PRKAR1B: variants seen among roughly 807,000 people sequenced by gnomAD.
PRKAR1B encodes the protein protein kinase cAMP-dependent type I regulatory subunit beta.
PRKAR1B carries 22 observed loss-of-function variants against 46.5 expected under a neutral mutation model. The observed-to-expected ratio is 0.47, with a 90% CI of 0.34 to 0.68. The LOEUF (loss-of-function observed/expected upper bound fraction) is 0.68, where lower values mean the gene tolerates loss of function less well. Among genes scored for constraint, PRKAR1B ranks in the 30% least tolerant of loss-of-function variants. PRKAR1B has a pLI of 0.01. For synonymous variants in PRKAR1B, 259 were observed against 217.7 expected (o/e 1.19, Z -1.67); for missense variants, 445 against 535.6 (o/e 0.83, Z 1.67).
chr7:653,097 G>C (rs1184535407), intron 4 of PRKAR1B, among the ~76,000 whole-genome samples: 2 of 152,156 alleles, frequency 1.3e-5, no homozygotes, highest in Non-Finnish European at 2.9e-5. Flanking sequence ...GTGGACAAGT[G>C]CTTCTCCAGC....
chr7:639,538 C>T (rs918065190), intron 4 of PRKAR1B, among the ~76,000 whole-genome samples: 20 of 152,106 alleles, frequency 1.3e-4, no homozygotes, highest in African/African-American at 4.6e-4. Context: ...TAGATGTAAC[C>T]GCAAAAGCAT....
intron 4 of PRKAR1B, among the ~76,000 whole-genome samples, chr7:631,132 G>C (rs1158871401): frequency 1.3e-5 from 2 of 152,022 alleles, no homozygotes; most frequent in Non-Finnish European, 2.9e-5. Context: ...TGTATTTTTA[G>C]TAGAGACAAG....
intron 4 of PRKAR1B, among the ~76,000 whole-genome samples, chr7:625,968 AT>A (rs1313820358): frequency 1.4e-5 from 2 of 146,592 alleles, no homozygotes; most frequent in African/African-American, 5.1e-5. Flanking sequence ...AGATCGCGCC[AT>A]TGCACTCCAG....
At chr7:672,353 T>A (rs1233933043) in intron 4 of PRKAR1B, among the ~76,000 whole-genome samples, 4 of 151,722 alleles carry the variant, frequency 2.6e-5, no homozygotes, top group African/African-American at 7.3e-5. Flanking sequence ...GGATTCACCA[T>A]ATTGGCCAGG....
intron 4 of PRKAR1B, among the ~76,000 whole-genome samples, chr7:618,756 G>T (rs1039416306): frequency 6.6e-6 from 1 of 152,136 alleles, no homozygotes; most frequent in African/African-American, 2.4e-5. Flanking sequence ...TAGAAGGGTT[G>T]GTACCTTCTT....
At chr7:700,633 T>C (rs973015041) in intron 2 of PRKAR1B, among the ~76,000 whole-genome samples, 1 of 151,586 alleles carries the variant, frequency 6.6e-6, no homozygotes, top group Non-Finnish European at 1.5e-5. Flanking sequence ...CTCTTGGAAT[T>C]GGTGGGGGAA....
intron 2 of PRKAR1B, among the ~76,000 whole-genome samples, chr7:701,302 A>G (rs534155838): frequency 7.2e-6 from 1 of 139,084 alleles, no homozygotes; most frequent in Non-Finnish European, 1.5e-5. Context: ...AAGAAAGAAA[A>G]AGAAAGAAAG....
chr7:636,563 C>T (rs1010885679), intron 4 of PRKAR1B, among the ~76,000 whole-genome samples: 1 of 152,214 alleles, frequency 6.6e-6, no homozygotes, highest in Non-Finnish European at 1.5e-5. Flanking sequence ...CCCTCCTGCC[C>T]CACCCAGAAT....
At chr7:630,605 G>C (rs1409256169) in intron 4 of PRKAR1B, among the ~76,000 whole-genome samples, 15 of 152,192 alleles carry the variant, frequency 9.9e-5, no homozygotes, top group Admixed American at 9.8e-4. Context: ...CTTTCCAAAG[G>C]CCATACGGGT....
chr7:612,819 C>T (rs1429235215), intron 4 of PRKAR1B, among the ~76,000 whole-genome samples: 1 of 151,820 alleles, frequency 6.6e-6, no homozygotes, highest in African/African-American at 2.4e-5. Flanking sequence ...GAAGCACTGC[C>T]AGCAACAGAG....
intron 1 of PRKAR1B, among the ~76,000 whole-genome samples, chr7:717,017 G>C (rs565895803): frequency 1.3e-5 from 2 of 152,302 alleles, no homozygotes; most frequent in Admixed American, 1.3e-4. Context: ...CCAGCCGGGC[G>C]CAGTGCCTCC....
In PRKAR1B at chr7:673,045, T is replaced by TAAAAAAAAAAAAAAAAAAA. The variant is rs992683667; in HGVS notation, c.440+4165_440+4183dup. 7.5e-5 allele frequency among the ~76,000 whole-genome samples: 2 copies of TAAAAAAAAAAAAAAAAAAA among 26,550 alleles called. 1 individual carries two copies. Among genetic ancestry groups the TAAAAAAAAAAAAAAAAAAA allele is most frequent in the Non-Finnish European group, 1.2e-4 (2 of 16,128 alleles). 17.4% of individuals were successfully genotyped at this position (26,550 alleles called of 152,430 possible). A position where few individuals can be genotyped will look rare whatever the true frequency, so the allele number is the denominator to read the frequency against. ...GGGTGAGAGAGTAAGGCCTTGTCTT[T>TAAAAAAAAAAAAAAAAAAA]AAAAAAAAAAAAAAAAAAAAAAAAA... On this transcript the variant is annotated intron_variant, in intron 4 of 10. Coordinates refer to ENST00000537384, the MANE Select transcript of PRKAR1B (RefSeq NM_001164760.2).
intron 1 of PRKAR1B, 102 bp downstream of exon 1, chr7:727,108 C>G: frequency 9.1e-7 from 1 of 1,101,970 alleles, no homozygotes; most frequent in South Asian, 4.1e-5. Context: ...CGGCCCCGTG[C>G]CCGCGCGCCG....
Position 593,506 on chromosome 7 carries a change from G to C in PRKAR1B, c.708+2640C>G, listed in dbSNP as rs1213564585. 1.3e-5 allele frequency among the ~76,000 whole-genome samples: 2 copies of C among 152,142 alleles called. No individual in the cohort carries two copies. Among genetic ancestry groups the C allele is most frequent in the Non-Finnish European group, 2.9e-5 (2 of 68,024 alleles). ...GTTTGGGAACTTCCCTGAATATAAG[G>C]TTCCAGCCACAAAAATCCCCCAGCC... On this transcript the variant is annotated intron_variant, in intron 7 of 10. Coordinates refer to ENST00000537384, the MANE Select transcript of PRKAR1B (RefSeq NM_001164760.2). The surrounding 1 kb of genome is among the most constrained non-coding windows in gnomAD (Gnocchi z 6.1).
At chr7:635,934 G>A (rs571653783) in intron 4 of PRKAR1B, among the ~76,000 whole-genome samples, 3 of 148,030 alleles carry the variant, frequency 2.0e-5, no homozygotes, top group South Asian at 4.2e-4. Flanking sequence ...TACCAGCACC[G>A]CGCCCACACA....
intron 2 of PRKAR1B, among the ~76,000 whole-genome samples, chr7:701,088 T>C (rs1204271436): frequency 6.6e-6 from 1 of 151,828 alleles, no homozygotes; most frequent in African/African-American, 2.4e-5. Flanking sequence ...CTCGGGAGGC[T>C]GAGGCAGGAG....
intron 4 of PRKAR1B, among the ~76,000 whole-genome samples, chr7:670,793 A>G (rs188116471): frequency 5.2e-4 from 55 of 106,216 alleles, no homozygotes; most frequent in African/African-American, 7.7e-4. Context: ...TCAGGACCGA[A>G]GACGGCCTCC....
intron 2 of PRKAR1B, among the ~76,000 whole-genome samples, chr7:688,727 C>G (rs531323385): frequency 7.9e-5 from 12 of 152,328 alleles, no homozygotes; most frequent in Admixed American, 2.0e-4. Context: ...TCTCCTCCCC[C>G]TCCAGAGCTC....
chr7:625,182 C>G (rs71518327), intron 4 of PRKAR1B, among the ~76,000 whole-genome samples: 85,003 of 151,938 alleles, frequency 0.56, 24,866 homozygotes, highest in South Asian at 0.81. Context: ...AAAAAGAAGG[C>G]TCAAGAGAAG....
Sources: allele counts gnomAD v4.1 joint callset (sites outside exome capture counted in the v4.1 genomes callset), GRCh38; gene constraint gnomAD v4.1.1; non-coding constraint Gnocchi (gnomAD v3.1); transcripts MANE v1.5; gene names NCBI Gene and HGNC (gene_info 2026-07-23, HGNC 2026-07-21).